ZFYVE26: variants seen among roughly 807,000 people sequenced by gnomAD.
ZFYVE26 encodes the protein zinc finger FYVE domain-containing protein 26.
A neutral mutation model predicts 276.5 loss-of-function variants in ZFYVE26; 181 were observed. The observed-to-expected ratio is 0.65, with a 90% CI of 0.58 to 0.74. The LOEUF is 0.74. Among genes scored for constraint, ZFYVE26 ranks in the 30% least tolerant of loss-of-function variants. The pLI, the probability that ZFYVE26 is intolerant of heterozygous loss-of-function variation, is 0.00. For missense variants in ZFYVE26, 2,821 were observed against 3,097.9 expected, an observed-to-expected ratio of 0.91 and a Z score of 2.12; for synonymous variants, 1,129 against 1,203.1, an observed-to-expected ratio of 0.94 and a Z score of 1.27.
At chr14:67,804,702 A>G (rs2040141824) in intron 8 of ZFYVE26, among the ~76,000 whole-genome samples, 1 of 152,244 alleles carries the variant, frequency 6.6e-6, no homozygotes, top group Non-Finnish European at 1.5e-5. Context: ...CTAAGTTACC[A>G]GAGAAACACA....
chr14:67,782,424 G>A (rs1486706794), intron 21 of ZFYVE26, among the ~76,000 whole-genome samples: 2 of 152,208 alleles, frequency 1.3e-5, no homozygotes, highest in Admixed American at 1.3e-4. Context: ...TAGAAAAAAT[G>A]TGCTGATCCC....
chr14:67,809,779 T>C (rs2040260590), intron 3 of ZFYVE26, among the ~76,000 whole-genome samples: 2 of 97,244 alleles, frequency 2.1e-5, no homozygotes, highest in South Asian at 4.5e-4. Context: ...ACTATTCTTT[T>C]CTCTTTTTTT....
intron 29 of ZFYVE26, 107 bp downstream of exon 29, chr14:67,769,487 C>T: frequency 6.5e-7 from 1 of 1,530,208 alleles, no homozygotes; most frequent in South Asian, 1.1e-5. Flanking sequence ...GAATGTTAAA[C>T]ATTTCTGGAT....
chr14:67,769,775 G>A (rs1164866112), intron 28 of ZFYVE26, 45 bp from the exon 29 acceptor site: 7 of 1,612,314 alleles, frequency 4.3e-6, no homozygotes, highest in Non-Finnish European at 5.9e-6. Context: ...AGGAGAGAAG[G>A]GGAGATTGCC....
Position 67,785,155 on chromosome 14 carries a change from G to C in ZFYVE26, c.3427C>G (p.Pro1143Ala). Residue 1143 changes from proline to alanine, a missense_variant, in exon 19 of 42, where the codon CCA becomes GCA. Physicochemically the swap from Pro to Ala is conservative, Grantham distance 27. Coordinates refer to ENST00000347230, the MANE Select transcript of ZFYVE26 (RefSeq NM_015346.4). ...TAGTCCATCTGCCTGCTGCCTGATG[G>C]GGTCTGTTTGCCCAGGTTCTTCTGG... ...LLQKNLGKQT[P>A]SGSRQMDYLG... 6.2e-7 allele frequency: 1 copy of C among 1,614,222 alleles called. No individual in the cohort carries two copies. The highest frequency in any genetic ancestry group is 8.5e-7 in the Non-Finnish European group (1 of 1,180,046).
intron 10 of ZFYVE26, chr14:67,799,614 A>T (rs1225740836): frequency 2.7e-6 from 4 of 1,458,496 alleles, no homozygotes; most frequent in Admixed American, 3.3e-5. Flanking sequence ...AAATAATAGA[A>T]TTTTTCTCTT....
At chr14:67,755,341 G>A in intron 36 of ZFYVE26, 91 bp from the exon 37 acceptor site, 1 of 1,469,734 alleles carries the variant, frequency 6.8e-7, no homozygotes, top group Non-Finnish European at 9.4e-7. Context: ...TTCTGCCTAT[G>A]AGACCTTGTT....
At chr14:67,734,235 TACACTCCA>T (rs1476564606) in intron 13 of ZFYVE26, 4 of 246,344 alleles carry the variant, frequency 1.6e-5, no homozygotes, top group Middle Eastern at 1.4e-3. Context: ...CTAGGGGCTA[TACACTCCA>T]ACTCTTGGTT....
At chr14:67,734,138 G>T (rs1181495603) in intron 13 of ZFYVE26, 1 of 335,624 alleles carries the variant, frequency 3.0e-6, no homozygotes, top group Non-Finnish European at 5.8e-6. Context: ...GCATGGGGGT[G>T]GCAGAAGAGC....
At chr14:67,797,545 G>T (rs2039980199) in intron 12 of ZFYVE26, 127 bp downstream of exon 12, 2 of 1,037,694 alleles carry the variant, frequency 1.9e-6, no homozygotes, top group East Asian at 5.1e-5. Context: ...GTTACCTTGA[G>T]GGAGTGGGAA....
chr14:67,759,763 T>C (rs2038886341), intron 35 of ZFYVE26, among the ~76,000 whole-genome samples: 1 of 152,142 alleles, frequency 6.6e-6, no homozygotes, highest in African/African-American at 2.4e-5. Flanking sequence ...TTCTGTAGCA[T>C]GCTAAGGAAT....
At chr14:67,780,006 G>A (rs2039453637) in intron 23 of ZFYVE26, among the ~76,000 whole-genome samples, 1 of 152,032 alleles carries the variant, frequency 6.6e-6, no homozygotes, top group Non-Finnish European at 1.5e-5. Context: ...GGAGTAGCTG[G>A]GACTACAGGT....
In ZFYVE26 at chr14:67,786,182, G is replaced by A. The variant is rs372343849; in HGVS notation, c.3071C>T (p.Pro1024Leu). Residue 1024 changes from proline (P) to leucine (L), a missense_variant, in exon 17 of 42, where the codon CCA (proline) becomes CTA (leucine). Physicochemically the swap from Pro to Leu is moderately conservative, Grantham distance 98 (BLOSUM62 -3). Coordinates refer to ENST00000347230, the MANE Select transcript of ZFYVE26 (RefSeq NM_015346.4). ...CTTACTGATTTGCTGAAGAACAACTGGAAAACCTCGAATGCCATCAGCATT... is the reference window on the plus strand; with the variant it reads ...CTTACTGATTTGCTGAAGAACAACTAGAAAACCTCGAATGCCATCAGCATT... ...LLNADGIRGF[P>L]VVLQQISKSL... The A allele has an allele frequency of 3.7e-6, 6 of 1,607,712 alleles. No homozygotes were observed. The highest frequency in any genetic ancestry group is 5.1e-6 in the Non-Finnish European group (6 of 1,178,366).
In ZFYVE26 at chr14:67,754,173, C is replaced by A; in HGVS notation, c.7026G>T (p.Arg2342Ser). ...NTLQLQMEVT[R>S]FLHRCESAGT... ...CAGCACTTTCGCACCGATGCAAGAACCTGGTCACTTCCATCTGCAGCTGAA... is the reference window on the plus strand; with the variant it reads ...CAGCACTTTCGCACCGATGCAAGAAACTGGTCACTTCCATCTGCAGCTGAA... The change falls in exon 38 of 42, where the codon AGG (arginine) becomes AGT (serine). Residue 2342 changes from arginine to serine, a missense_variant. Arg to Ser is a moderately radical substitution (Grantham distance 110). Coordinates refer to ENST00000347230, the MANE Select transcript of ZFYVE26 (RefSeq NM_015346.4). 6.2e-7 allele frequency: 1 copy of A among 1,614,260 alleles called. No homozygotes were observed. Among genetic ancestry groups the A allele is most frequent in the East Asian group, 2.2e-5 (1 of 44,892 alleles).
intron 4 of ZFYVE26, among the ~76,000 whole-genome samples, chr14:67,808,972 C>A (rs2040238774): frequency 6.6e-6 from 1 of 152,182 alleles, no homozygotes; most frequent in Admixed American, 6.5e-5. Flanking sequence ...ACTAATAAAT[C>A]TTTAATTCCC....
chr14:67,765,853 A>G (rs2039041899), intron 32 of ZFYVE26, among the ~76,000 whole-genome samples: 1 of 152,240 alleles, frequency 6.6e-6, no homozygotes. Flanking sequence ...AAGGCTAATC[A>G]CTGGACATTC....
chr14:67,736,396 C>G (rs1006609876), intron 13 of ZFYVE26, among the ~76,000 whole-genome samples: 24 of 152,132 alleles, frequency 1.6e-4, no homozygotes, highest in Admixed American at 1.2e-3. Context: ...CATTTCAAAT[C>G]AGTCAGAAAA....
intron 26 of ZFYVE26, 132 bp downstream of exon 26, chr14:67,775,728 T>C: frequency 7.7e-7 from 1 of 1,291,136 alleles, no homozygotes; most frequent in Non-Finnish European, 1.1e-6. Context: ...AATAAAGAGA[T>C]AGCTCTTCTG....
Position 67,793,731 on chromosome 14 carries a change from C to A in ZFYVE26, c.2430G>T (p.Arg810=), listed in dbSNP as rs767034399. Residue 810 remains arginine (R), a synonymous_variant, in exon 14 of 42, where the codon CGG becomes CGT. Transcript: ENST00000347230. ...SEGSLSAMSG[R]NELHSRLHPH... is the part of the protein sequence containing the mutation. Reference sequence around the variant, plus strand: ...GGTGCAATCTACTGTGCAGCTCATTCCGGCCAGACATGGCACTCAGACTTC... The same window carrying A: ...GGTGCAATCTACTGTGCAGCTCATTACGGCCAGACATGGCACTCAGACTTC... 1.9e-6 allele frequency: 3 copies of A among 1,613,896 alleles called. No individual in the cohort carries two copies. In the South Asian group the frequency reaches 3.3e-5, roughly 18 times the overall value.
Sources: gnomAD v4.1 joint callset for allele counts (sites outside exome capture counted in the v4.1 genomes callset) on GRCh38, gnomAD v4.1.1 for gene constraint, MANE v1.5 for transcripts, NCBI Gene and HGNC (gene_info 2026-07-23, HGNC 2026-07-21) for gene names.